COL4A3: variants seen among roughly 807,000 people sequenced by gnomAD.
COL4A3 encodes collagen type IV alpha 3 chain.
Under a neutral mutation model 217.4 loss-of-function variants are expected in COL4A3, and 135 were observed. The observed-to-expected ratio is 0.62, with a 90% confidence interval of 0.54 to 0.72. The LOEUF (loss-of-function observed/expected upper bound fraction) is 0.72, where lower values mean the gene tolerates loss of function less well. Among genes scored for constraint, COL4A3 ranks in the 30% least tolerant of loss-of-function variants. COL4A3 has a pLI of 0.00. For missense variants in COL4A3, 1,868 were observed against 2,119.9 expected (o/e 0.88, Z 2.33); for synonymous variants, 690 against 736.3 (o/e 0.94, Z 1.02).
intron 3 of COL4A3, among the ~76,000 whole-genome samples, chr2:227,244,119 G>A (rs1407778947): frequency 6.6e-6 from 1 of 152,092 alleles, no homozygotes; most frequent in South Asian, 2.1e-4. Context: ...AGTAGCAAGG[G>A]TTTGAATGAA....
intron 1 of COL4A3, among the ~76,000 whole-genome samples, chr2:227,171,524 C>T (rs911362611): frequency 2.0e-5 from 3 of 152,112 alleles, no homozygotes; most frequent in African/African-American, 7.2e-5. Flanking sequence ...GCGTTGTTTT[C>T]TGGAATGAAG....
At chr2:227,257,763 GT>G in intron 18 of COL4A3, 119 bp downstream of exon 18, 1 of 950,464 alleles carries the variant, frequency 1.1e-6, no homozygotes, top group East Asian at 2.5e-5. Flanking sequence ...CATTTACCTT[GT>G]TGTCAAACCA....
intron 36 of COL4A3, 123 bp from the exon 37 acceptor site, chr2:227,290,624 C>A: frequency 1.3e-6 from 1 of 786,610 alleles, no homozygotes. Context: ...TTGTAACTAC[C>A]TGATGCAGTT....
At chr2:227,273,149 C>T (rs746390362) in intron 26 of COL4A3, 32 bp downstream of exon 26, 17 of 1,610,746 alleles carry the variant, frequency 1.1e-5, no homozygotes, top group East Asian at 2.2e-5. Flanking sequence ...TCCTGTTTTC[C>T]GATGGAGTGG....
intron 1 of COL4A3, among the ~76,000 whole-genome samples, chr2:227,210,538 C>T (rs13398818): frequency 2.0e-5 from 3 of 151,970 alleles, no homozygotes; most frequent in African/African-American, 7.3e-5. Flanking sequence ...TGCAGAGAGC[C>T]GAGACCGAAC....
At chr2:227,223,827 A>G (rs2067944887) in intron 1 of COL4A3, among the ~76,000 whole-genome samples, 1 of 152,212 alleles carries the variant, frequency 6.6e-6, no homozygotes, top group Admixed American at 6.5e-5. Context: ...TATCTCACTT[A>G]TATCCAGCCC....
chr2:227,290,141 CCA>C, intron 36 of COL4A3, 53 bp downstream of exon 36: 1 of 1,525,188 alleles, frequency 6.6e-7, no homozygotes, highest in East Asian at 2.2e-5. Context: ...GGTGAGGACT[CCA>C]GATTTTCTGT....
intron 1 of COL4A3, among the ~76,000 whole-genome samples, chr2:227,174,659 A>C (rs894272830): frequency 2.0e-5 from 3 of 152,006 alleles, no homozygotes; most frequent in Non-Finnish European, 4.4e-5. Flanking sequence ...GGCACCTGCC[A>C]CTATGCCCGC....
At chr2:227,226,138 T>A (rs1330728970) in intron 1 of COL4A3, among the ~76,000 whole-genome samples, 1 of 152,190 alleles carries the variant, frequency 6.6e-6, no homozygotes, top group South Asian at 2.1e-4. Context: ...TTGGTTTGTG[T>A]TTGGAGGTGG....
chr2:227,239,909 T>C (rs2068920657), intron 2 of COL4A3, among the ~76,000 whole-genome samples: 1 of 152,200 alleles, frequency 6.6e-6, no homozygotes, highest in Non-Finnish European at 1.5e-5. Context: ...GTCAAGTTTC[T>C]ACAAGACCAA....
chr2:227,282,644 G>C lies in COL4A3; in HGVS notation c.2656+112G>C. 9.8e-7 allele frequency: 1 copy of C among 1,015,982 alleles called. No individual in the cohort carries two copies. The highest frequency in any genetic ancestry group is 2.6e-5 in the East Asian group (1 of 39,154). The allele number at this position is 1,015,982 out of a possible 1,614,324, so 62.9% of individuals were successfully genotyped here. Reference sequence around the variant, plus strand: ...TACTCTATGCTTTTACTTAATATAAGGTTTTCCTTCTAAATTATTTGTAAG... The same window carrying C: ...TACTCTATGCTTTTACTTAATATAACGTTTTCCTTCTAAATTATTTGTAAG... On this transcript the variant is annotated intron_variant, in intron 32 of 51. Coordinates refer to ENST00000396578, the MANE Select transcript of COL4A3 (RefSeq NM_000091.5). This position sits in a 1 kb window ranked among gnomAD's most constrained non-coding sequence, Gnocchi z 4.4.
chr2:227,202,279 G>C (rs894961884), intron 1 of COL4A3, among the ~76,000 whole-genome samples: 1 of 152,028 alleles, frequency 6.6e-6, no homozygotes. Flanking sequence ...TTTTCCTTGT[G>C]GCTGTCCCCA....
At chr2:227,275,936 C>T (rs1329835496) in intron 26 of COL4A3, among the ~76,000 whole-genome samples, 1 of 55,210 alleles carries the variant, frequency 1.8e-5, no homozygotes, top group Non-Finnish European at 5.3e-5. Flanking sequence ...ATTAATTTCC[C>T]TTTTAGAAAA....
intron 1 of COL4A3, among the ~76,000 whole-genome samples, chr2:227,183,578 T>TA (rs1559801386): frequency 6.6e-6 from 1 of 152,116 alleles, no homozygotes; most frequent in Non-Finnish European, 1.5e-5. Flanking sequence ...TTGGTGGAGT[T>TA]ACCAAACTTG....
chr2:227,254,045 C>A, intron 13 of COL4A3, 67 bp from the exon 14 acceptor site: 2 of 1,394,510 alleles, frequency 1.4e-6, no homozygotes, highest in Non-Finnish European at 2.0e-6. Flanking sequence ...GAGGATTTGT[C>A]CCACTGTTGA....
intron 50 of COL4A3, 58 bp downstream of exon 50, chr2:227,309,376 G>T: frequency 2.3e-6 from 3 of 1,325,916 alleles, no homozygotes; most frequent in Non-Finnish European, 1.1e-6. Flanking sequence ...ATGTTACATT[G>T]TGCTGGGTAA....
At chr2:227,303,750 G>A in intron 44 of COL4A3, 109 bp from the exon 45 acceptor site, 1 of 1,068,098 alleles carries the variant, frequency 9.4e-7, no homozygotes, top group Non-Finnish European at 1.4e-6. Flanking sequence ...ATAGGACAGA[G>A]CCTCCAGGCA....
At chr2:227,281,058 T>A (rs949949266) in intron 31 of COL4A3, 52 bp downstream of exon 31, 2 of 1,100,782 alleles carry the variant, frequency 1.8e-6, no homozygotes, top group African/African-American at 1.6e-5. Context: ...GACATGAGAC[T>A]CCTGCTCTGT....
intron 1 of COL4A3, among the ~76,000 whole-genome samples, chr2:227,209,725 C>A (rs2067242411): frequency 2.0e-5 from 3 of 152,148 alleles, no homozygotes; most frequent in African/African-American, 7.2e-5. Flanking sequence ...GCCTGTAATT[C>A]CAGCTACTCT....
Sources: allele counts gnomAD v4.1 joint callset (sites outside exome capture counted in the v4.1 genomes callset), GRCh38; gene constraint gnomAD v4.1.1; non-coding constraint Gnocchi (gnomAD v3.1); transcripts MANE v1.5; gene names NCBI Gene and HGNC (gene_info 2026-07-23, HGNC 2026-07-21).